The following CACNA2D1 variants were observed in gnomAD, a reference collection of about 807,000 sequenced individuals.
CACNA2D1 encodes the protein calcium voltage-gated channel auxiliary subunit alpha2delta 1.
CACNA2D1 carries 53 observed loss-of-function variants against 171.5 expected under a neutral mutation model. The observed-to-expected ratio is 0.31, with a 90% CI of 0.25 to 0.39. CACNA2D1 has a LOEUF of 0.39. Ranked by LOEUF, CACNA2D1 falls within the 10% of genes least tolerant of loss-of-function variation. The pLI, the probability that CACNA2D1 is intolerant of heterozygous loss-of-function variation, is 1.00. For missense variants in CACNA2D1, 903 were observed against 1,299.8 expected (o/e 0.69, Z 4.69); for synonymous variants, 442 against 443.1 (o/e 1.00, Z 0.03).
chr7:82,240,626 A>G (rs2129294247), intron 3 of CACNA2D1, among the ~76,000 whole-genome samples: 1 of 152,260 alleles, frequency 6.6e-6, no homozygotes, highest in Middle Eastern at 3.4e-3. Context: ...CAACTAATTT[A>G]TTTTACTAAA....
At chr7:82,207,078 G>T (rs1254823324) in intron 3 of CACNA2D1, among the ~76,000 whole-genome samples, 7 of 152,200 alleles carry the variant, frequency 4.6e-5, no homozygotes, top group Non-Finnish European at 1.0e-4. Flanking sequence ...GGCAGAACAA[G>T]TCCTCTTCTA....
chr7:82,302,160 C>T (rs1201634397), intron 3 of CACNA2D1, among the ~76,000 whole-genome samples: 1 of 152,108 alleles, frequency 6.6e-6, no homozygotes, highest in Non-Finnish European at 1.5e-5. Flanking sequence ...CTACATATAA[C>T]TGTACCCCTT....
At chr7:82,146,325 T>C (rs947778339) in intron 4 of CACNA2D1, among the ~76,000 whole-genome samples, 2 of 146,886 alleles carry the variant, frequency 1.4e-5, no homozygotes, top group African/African-American at 5.0e-5. Context: ...TGTGTGTGTG[T>C]GCGTGTGTGT....
At chr7:82,196,493 T>C (rs1798865529) in intron 3 of CACNA2D1, among the ~76,000 whole-genome samples, 1 of 152,014 alleles carries the variant, frequency 6.6e-6, no homozygotes, top group Non-Finnish European at 1.5e-5. Flanking sequence ...CTAGTGCCAT[T>C]AGGAATGGTG....
intron 3 of CACNA2D1, among the ~76,000 whole-genome samples, chr7:82,273,405 C>T (rs184888253): frequency 2.4e-4 from 36 of 151,554 alleles, no homozygotes; most frequent in South Asian, 4.2e-4. Context: ...CATATACATA[C>T]GATGTTGCCA....
chr7:82,328,907 A>G (rs1418291937), intron 3 of CACNA2D1, among the ~76,000 whole-genome samples: 2 of 152,124 alleles, frequency 1.3e-5, no homozygotes, highest in Non-Finnish European at 2.9e-5. Context: ...TAATAGCCAA[A>G]CATGATAAAT....
intron 3 of CACNA2D1, among the ~76,000 whole-genome samples, chr7:82,186,255 A>AAGAAAGGAAGGAAGGAAGGAAGGAAGG (rs1563174157): frequency 9.0e-6 from 1 of 111,366 alleles, no homozygotes; most frequent in African/African-American, 3.5e-5. Flanking sequence ...AGGAAGGAAG[A>AAGAAAGGAAGGAAGGAAGGAAGGAAGG]AAGGAAGGAA....
At chr7:82,094,517 T>C (rs956683236) in intron 6 of CACNA2D1, among the ~76,000 whole-genome samples, 16 of 152,330 alleles carry the variant, frequency 1.1e-4, no homozygotes, top group Middle Eastern at 3.4e-3. Context: ...ATAGTGAGCA[T>C]GACTTGTTTA....
chr7:81,995,243 G>C lies in CACNA2D1; in HGVS notation c.1663-304C>G, dbSNP rs37098. On this transcript the variant is annotated intron_variant, in intron 19 of 38. Transcript: ENST00000356860. ...TTATATTATGGCTAGCCACATTGGA[G>C]TGGAAAGTAGTCATTGAGACATAGA... Among the ~76,000 whole-genome samples the C allele has an allele frequency of 0.022, 3,306 of 152,222 alleles. 122 individuals are homozygous for C. The highest frequency in any genetic ancestry group is 0.074 in the African/African-American group (3,086 of 41,532).
At chr7:82,231,859 T>C (rs1330134753) in intron 3 of CACNA2D1, among the ~76,000 whole-genome samples, 1 of 152,188 alleles carries the variant, frequency 6.6e-6, no homozygotes, top group Non-Finnish European at 1.5e-5. Context: ...GATATTACAA[T>C]TGATCTGAAG....
rs886039076 is a variant in CACNA2D1, at chr7:82,007,703, T to G, written c.1416A>C (p.Gln472His). The change falls in exon 16 of 39, where the codon CAA becomes CAC. Residue 472 changes from glutamine (Q) to histidine (H), a missense_variant. This residue lies in a region of CACNA2D1 where 623 missense variants were observed against 925.5 expected (regional missense o/e 0.67). Coordinates refer to ENST00000356860, the MANE Select transcript of CACNA2D1 (RefSeq NM_000722.4). ...GTLPVFNITG[Q>H]FENKTNLKNQ... ...CCTTTAAGTTTGTCTTATTTTCAAA[T>G]TGGCCGGTTATGTTGAAGACCGGAA... The G allele has an allele frequency of 6.3e-7, 1 of 1,591,328 alleles. No individual in the cohort carries two copies. The highest frequency in any genetic ancestry group is 1.7e-4 in the Middle Eastern group (1 of 5,992).
chr7:82,220,975 G>A (rs984848017), intron 3 of CACNA2D1, among the ~76,000 whole-genome samples: 6 of 151,842 alleles, frequency 4.0e-5, no homozygotes, highest in African/African-American at 7.3e-5. Flanking sequence ...AGGGTTTCAC[G>A]ATGTTGGCCA....
chr7:82,387,907 C>A (rs113942092), intron 1 of CACNA2D1, among the ~76,000 whole-genome samples: 11 of 152,042 alleles, frequency 7.2e-5, no homozygotes, highest in African/African-American at 2.2e-4. Flanking sequence ...CATGGTGAAA[C>A]CCCATCTCTA....
chr7:82,154,271 T>G (rs1231200679), intron 4 of CACNA2D1, among the ~76,000 whole-genome samples: 2 of 152,216 alleles, frequency 1.3e-5, no homozygotes, highest in African/African-American at 2.4e-5. Flanking sequence ...CTTTTAATTT[T>G]TTAAATATTT....
chr7:82,387,311 G>A (rs1824519737), intron 1 of CACNA2D1, among the ~76,000 whole-genome samples: 1 of 152,018 alleles, frequency 6.6e-6, no homozygotes, highest in South Asian at 2.1e-4. Context: ...AAAATTTAAA[G>A]CATTCTTAGT....
chr7:82,435,332 C>T (rs1370556257), intron 1 of CACNA2D1, among the ~76,000 whole-genome samples: 2 of 152,166 alleles, frequency 1.3e-5, no homozygotes, highest in East Asian at 1.9e-4. Flanking sequence ...CCACCATGCC[C>T]GGCCCAGATA....
chr7:82,393,773 C>T (rs1825463836), intron 1 of CACNA2D1, among the ~76,000 whole-genome samples: 2 of 152,044 alleles, frequency 1.3e-5, no homozygotes, highest in African/African-American at 4.8e-5. Flanking sequence ...AAAATTATTC[C>T]TAATATTCGA....
intron 5 of CACNA2D1, among the ~76,000 whole-genome samples, chr7:82,128,457 AC>A (rs1249028928): frequency 6.6e-6 from 1 of 152,170 alleles, no homozygotes; most frequent in African/African-American, 2.4e-5. Flanking sequence ...ATTGTCTTAT[AC>A]CAGAGTCCTT....
At chr7:82,162,124 T>C (rs553762853) in intron 4 of CACNA2D1, among the ~76,000 whole-genome samples, 108 of 152,156 alleles carry the variant, frequency 7.1e-4, no homozygotes, top group African/African-American at 2.4e-3. Flanking sequence ...AGGTAGTTGT[T>C]AACTACAAAG....
Sources: gnomAD v4.1 joint callset for allele counts (sites outside exome capture counted in the v4.1 genomes callset) on GRCh38, gnomAD v4.1.1 for gene constraint, gnomAD v4.1.1 regional missense constraint, MANE v1.5 for transcripts, NCBI Gene and HGNC (gene_info 2026-07-23, HGNC 2026-07-21) for gene names.